The following CDH18 variants were observed in gnomAD, a reference collection of about 807,000 sequenced individuals.
The protein encoded by CDH18 is cadherin-18.
CDH18 carries 31 observed loss-of-function variants against 67.9 expected under a neutral mutation model. That is an observed-to-expected ratio of 0.46 (90% CI 0.34 to 0.62). CDH18 has a LOEUF of 0.62. Among genes scored for constraint, CDH18 ranks in the 20% least tolerant of loss-of-function variants. The probability of loss-of-function intolerance (pLI) is 0.01; values close to 1 mark genes in which losing one functional copy is unlikely to be tolerated. For synonymous variants in CDH18, 362 were observed against 347.2 expected, an observed-to-expected ratio of 1.04 and a Z score of -0.48; for missense variants, 890 against 975.5, an observed-to-expected ratio of 0.91 and a Z score of 1.17.
intron 5 of CDH18, among the ~76,000 whole-genome samples, chr5:19,657,722 T>G (rs938583444): frequency 5.9e-5 from 9 of 152,184 alleles, no homozygotes; most frequent in Non-Finnish European, 1.0e-4. Flanking sequence ...CTATAAAACA[T>G]CTTCTCTTTA....
intron 2 of CDH18, among the ~76,000 whole-genome samples, chr5:20,234,875 T>C (rs1346644059): frequency 6.6e-6 from 1 of 152,040 alleles, no homozygotes; most frequent in Non-Finnish European, 1.5e-5. Context: ...AAACCGCAGA[T>C]GATGAATCTT....
intron 11 of CDH18, among the ~76,000 whole-genome samples, chr5:19,484,623 T>A (rs1265528699): frequency 6.6e-6 from 1 of 152,178 alleles, no homozygotes; most frequent in Non-Finnish European, 1.5e-5. Flanking sequence ...AACTAACGAC[T>A]CACTGCTGAA....
At chr5:19,912,848 C>T (rs1382411105) in intron 2 of CDH18, among the ~76,000 whole-genome samples, 1 of 151,970 alleles carries the variant, frequency 6.6e-6, no homozygotes, top group Non-Finnish European at 1.5e-5. Context: ...AGACATCGGC[C>T]CATGAGGACA....
intron 7 of CDH18, among the ~76,000 whole-genome samples, chr5:19,575,833 G>GT (rs1253197701): frequency 6.6e-6 from 1 of 152,126 alleles, no homozygotes; most frequent in South Asian, 2.1e-4. Context: ...ACTTTTTTCA[G>GT]TTTTTGTGGC....
chr5:20,215,926 G>C (rs1740732130), intron 2 of CDH18, among the ~76,000 whole-genome samples: 1 of 151,676 alleles, frequency 6.6e-6, no homozygotes, highest in African/African-American at 2.4e-5. Flanking sequence ...CTAAATGATG[G>C]GAACACATGA....
intron 2 of CDH18, among the ~76,000 whole-genome samples, chr5:19,928,352 C>T (rs1258613057): frequency 6.6e-6 from 1 of 152,090 alleles, no homozygotes; most frequent in Non-Finnish European, 1.5e-5. Flanking sequence ...GAAGGCCCGG[C>T]ACACAGAAAG....
At chr5:19,889,355 C>T (rs995049312) in intron 2 of CDH18, among the ~76,000 whole-genome samples, 5 of 151,898 alleles carry the variant, frequency 3.3e-5, no homozygotes, top group Non-Finnish European at 5.9e-5. Flanking sequence ...CTCCAACATC[C>T]TATAAAATTT....
chr5:19,757,423 G>A (rs1312986116), intron 3 of CDH18, among the ~76,000 whole-genome samples: 2 of 152,198 alleles, frequency 1.3e-5, no homozygotes, highest in Non-Finnish European at 2.9e-5. Context: ...AGCAGTGGCT[G>A]TAGCCAGGTC....
chr5:20,410,744 T>C (rs1746700333), intron 1 of CDH18, among the ~76,000 whole-genome samples: 1 of 151,880 alleles, frequency 6.6e-6, no homozygotes, highest in Non-Finnish European at 1.5e-5. Flanking sequence ...TGATTTTATA[T>C]GTAGAAACGT....
chr5:19,608,975 C>T (rs945723525), intron 6 of CDH18, among the ~76,000 whole-genome samples: 1 of 151,854 alleles, frequency 6.6e-6, no homozygotes, highest in Non-Finnish European at 1.5e-5. Context: ...GTTTTGTAAA[C>T]TTTCATGTAA....
intron 3 of CDH18, among the ~76,000 whole-genome samples, chr5:19,755,245 C>T (rs754208311): frequency 5.9e-4 from 88 of 148,642 alleles, no homozygotes; most frequent in South Asian, 1.7e-3. Flanking sequence ...GCTGGTTCTT[C>T]GAAGAAATAA....
intron 5 of CDH18, among the ~76,000 whole-genome samples, chr5:19,701,711 G>A (rs1763271128): frequency 6.6e-6 from 1 of 151,992 alleles, no homozygotes; most frequent in Non-Finnish European, 1.5e-5. Flanking sequence ...GGGCAAGCAG[G>A]GGACAAGTTT....
At chr5:19,599,861 T>C (rs1401086952) in intron 6 of CDH18, among the ~76,000 whole-genome samples, 2 of 152,130 alleles carry the variant, frequency 1.3e-5, no homozygotes, top group African/African-American at 4.8e-5. Flanking sequence ...CACTCCAGCC[T>C]GGGCGACAGA....
intron 2 of CDH18, among the ~76,000 whole-genome samples, chr5:20,141,982 T>G (rs1166095928): frequency 6.6e-6 from 1 of 151,836 alleles, no homozygotes; most frequent in Non-Finnish European, 1.5e-5. Flanking sequence ...GAAGTTGAAA[T>G]TTTTTGAGGA....
chr5:20,275,011 C>T (rs1252611180), intron 1 of CDH18, among the ~76,000 whole-genome samples: 4 of 152,116 alleles, frequency 2.6e-5, no homozygotes, highest in Middle Eastern at 3.4e-3. Context: ...TAAATGTTAC[C>T]ATATCTAAGA....
chr5:20,087,901 T>G (rs567375239), intron 2 of CDH18, among the ~76,000 whole-genome samples: 11 of 152,294 alleles, frequency 7.2e-5, no homozygotes, highest in African/African-American at 2.4e-4. Flanking sequence ...AAGATGGTGA[T>G]TCTCTTCTCT....
intron 1 of CDH18, among the ~76,000 whole-genome samples, chr5:20,298,487 T>C (rs1747713192): frequency 6.6e-6 from 1 of 152,172 alleles, no homozygotes; most frequent in South Asian, 2.1e-4. Flanking sequence ...AGTTATCTTA[T>C]TCCTCATAAT....
chr5:19,503,084 T>A lies in CDH18; in HGVS notation c.1538A>T (p.Asp513Val), dbSNP rs770650834. The A allele has an allele frequency of 6.2e-7, 1 of 1,600,492 alleles. No individual in the cohort carries two copies. Among genetic ancestry groups the A allele is most frequent in the Non-Finnish European group, 8.6e-7 (1 of 1,167,794 alleles). ...GQVIHTISATDKDDFANGPRF... is the reference protein window; with the variant it reads ...GQVIHTISATVKDDFANGPRF... The stretch of plus-strand genomic sequence containing the variant: ...TGGTCCATTGGCAAAATCATCTTTA[T>A]CAGTGGCACTGATGGTATGAATAAC... The change falls in exon 11 of 13, where the codon GAT becomes GTT. Residue 513 changes from aspartate to valine, a missense_variant. Asp to Val is a radical substitution (Grantham distance 152, BLOSUM62 -3). Around this residue, in one of 2 missense-constraint regions of CDH18, gnomAD observed 656 missense variants for 668.1 expected, o/e 0.98. Transcript: ENST00000382275.
intron 1 of CDH18, among the ~76,000 whole-genome samples, chr5:20,461,550 G>T (rs1470470461): frequency 6.6e-6 from 1 of 151,876 alleles, no homozygotes; most frequent in African/African-American, 2.4e-5. Flanking sequence ...TTAATGTGAG[G>T]GCTGCTTTTC....
Sources: allele counts gnomAD v4.1 joint callset (sites outside exome capture counted in the v4.1 genomes callset), GRCh38; gene constraint gnomAD v4.1.1; regional missense constraint gnomAD v4.1.1; transcripts MANE v1.5; gene names NCBI Gene and HGNC (gene_info 2026-07-23, HGNC 2026-07-21).